The following CELSR1 variants were observed in gnomAD, a reference collection of about 807,000 sequenced individuals.
The protein encoded by CELSR1 is adhesion G protein-coupled receptor C1.
CELSR1 carries 110 observed loss-of-function variants against 249.1 expected under a neutral mutation model. The ratio of observed to expected loss-of-function variants is 0.44; its 90% CI spans 0.38 to 0.52. CELSR1 has a LOEUF of 0.52. Among genes scored for constraint, CELSR1 ranks in the 20% least tolerant of loss-of-function variants. The probability of loss-of-function intolerance (pLI) is 0.00; values close to 1 mark genes in which losing one functional copy is unlikely to be tolerated. For missense variants in CELSR1, 4,109 were observed against 4,296.4 expected (o/e 0.96, Z 1.22); for synonymous variants, 2,113 against 1,900.0 (o/e 1.11, Z -2.92).
At chr22:46,525,238 C>T (rs4823557) in intron 1 of CELSR1, among the ~76,000 whole-genome samples, 50,238 of 152,052 alleles carry the variant, frequency 0.33, 9,031 homozygotes, top group African/African-American at 0.46. Flanking sequence ...CACCTGAGGT[C>T]GGGAGTTCAA....
rs1180987404 is a variant in CELSR1, at chr22:46,427,067, G to GA, written c.4611+6325dup. The stretch of plus-strand genomic sequence containing the variant: ...CCAATAGGGAGTGATAGATAAATAG[G>GA]AAAAAAAGATCAATATGAAGTGTGT... On this transcript the variant is annotated intron_variant, in intron 5 of 34. Transcript: ENST00000674500. This position sits in a 1 kb window ranked among gnomAD's most constrained non-coding sequence, Gnocchi z 4.2. Among the ~76,000 whole-genome samples the GA allele has an allele frequency of 6.6e-6, 1 of 151,808 alleles. No individual in the cohort carries two copies. The highest frequency in any genetic ancestry group is 2.4e-5 in the African/African-American group (1 of 41,318).
intron 1 of CELSR1, among the ~76,000 whole-genome samples, chr22:46,524,541 CGT>C (rs71192413): frequency 1.0e-3 from 81 of 77,836 alleles, no homozygotes; most frequent in South Asian, 3.3e-3. Context: ...CCGTTGTGTG[CGT>C]GTGTGTGTGT....
chr22:46,482,528 G>A (rs1419558350), intron 1 of CELSR1, among the ~76,000 whole-genome samples: 1 of 152,134 alleles, frequency 6.6e-6, no homozygotes. Flanking sequence ...AAAGCACATA[G>A]AGGTTAAGTG....
rs201772740 is a variant in CELSR1 at position 46,361,976 on chromosome 22, T to C, written c.*1247A>G. Reference sequence around the variant, plus strand: ...TGGTAACCGTTGAAGAGTGTGGCTGTGGCTTTGTCCCTCTGCACAATTGGC... The same window carrying C: ...TGGTAACCGTTGAAGAGTGTGGCTGCGGCTTTGTCCCTCTGCACAATTGGC... On this transcript the variant is annotated 3_prime_UTR_variant, in exon 35 of 35. Transcript: ENST00000674500. 5 of 152,206 alleles carry C rather than the reference T, an allele frequency of 3.3e-5. No homozygotes were observed. Among genetic ancestry groups the C allele is most frequent in the African/African-American group, 1.2e-4 (5 of 41,460 alleles). 9.4% of individuals were successfully genotyped at this position (152,206 alleles called of 1,614,324 possible). A position where few individuals can be genotyped will look rare whatever the true frequency, so the allele number is the denominator to read the frequency against.
intron 5 of CELSR1, among the ~76,000 whole-genome samples, chr22:46,420,038 A>C (rs2079448331): frequency 6.6e-6 from 1 of 150,828 alleles, no homozygotes; most frequent in Non-Finnish European, 1.5e-5. Context: ...ACCGACACTC[A>C]CACTCAAATG....
chr22:46,440,594 C>T lies in CELSR1; in HGVS notation c.4184-1183G>A, dbSNP rs557078230. Among the ~76,000 whole-genome samples the T allele has an allele frequency of 1.3e-5, 2 of 152,302 alleles. No homozygotes were observed. Among genetic ancestry groups the T allele is most frequent in the South Asian group, 4.1e-4 (2 of 4,822 alleles). On this transcript the variant is annotated intron_variant, in intron 2 of 34. Coordinates refer to ENST00000674500, the MANE Select transcript of CELSR1 (RefSeq NM_001378328.1). This position sits in a 1 kb window ranked among gnomAD's most constrained non-coding sequence, Gnocchi z 4.7. ...ATCTTTGATGAGGCCAGCATCTTTTCCTGTTTTATTGACAATTGACACTCT... is the reference window on the plus strand; with the variant it reads ...ATCTTTGATGAGGCCAGCATCTTTTTCTGTTTTATTGACAATTGACACTCT...
chr22:46,536,865 G>A lies in CELSR1; in HGVS notation c.306C>T (p.Ser102=). Reference sequence around the variant, plus strand: ...GGTGCGTGCGCGCCCGCAGGCGGCGGCTCAGCGCCGTCGGGGCACTGCGGG... The same window carrying A: ...GGTGCGTGCGCGCCCGCAGGCGGCGACTCAGCGCCGTCGGGGCACTGCGGG... ...LVARSAPTAL[S]RRLRARTHLP... The change falls in exon 1 of 35, where the codon AGC becomes AGT. Residue 102 remains serine (S), a synonymous_variant. Transcript: ENST00000674500. 3 of 1,234,326 alleles carry A rather than the reference G, an allele frequency of 2.4e-6. No homozygotes were observed. The highest frequency in any genetic ancestry group is 4.8e-5 in the South Asian group (2 of 42,034). The allele number at this position is 1,234,326 out of a possible 1,614,324, so 76.5% of individuals were successfully genotyped here. A position where few individuals can be genotyped will look rare whatever the true frequency, so the allele number is the denominator to read the frequency against.
chr22:46,533,692 A>G lies in CELSR1; in HGVS notation c.3479T>C (p.Leu1160Pro), dbSNP rs1427621150. Reference protein sequence around the residue: ...LLLLDPATGELQLSRDLDNNR... With the variant: ...LLLLDPATGEPQLSRDLDNNR... ...GTTGTCCAGGTCGCGGCTGAGCTGC[A>G]GTTCGCCCGTGGCGGGGTCCAGCAG... The change falls in exon 1 of 35, where the codon CTG becomes CCG. Residue 1160 changes from leucine (L) to proline (P), a missense_variant. By Grantham distance (98) the Leu-to-Pro change is moderately conservative (BLOSUM62 -3). Transcript: ENST00000674500. 6 of 1,610,724 alleles carry G rather than the reference A, an allele frequency of 3.7e-6. No individual in the cohort carries two copies. The highest frequency in any genetic ancestry group is 5.1e-6 in the Non-Finnish European group (6 of 1,179,462).
In CELSR1 at chr22:46,436,126, G is replaced by C; in HGVS notation, c.4522+48C>G. On this transcript the variant is annotated intron_variant, in intron 4 of 34. Coordinates refer to ENST00000674500, the MANE Select transcript of CELSR1 (RefSeq NM_001378328.1). This position sits in a 1 kb window ranked among gnomAD's most constrained non-coding sequence, Gnocchi z 5.9. Reference sequence around the variant, plus strand: ...GGCGAGGGTCGTTTTAACCCACAAAGTATCTGTGAATTGCTCAGAGCTGCC... The same window carrying C: ...GGCGAGGGTCGTTTTAACCCACAAACTATCTGTGAATTGCTCAGAGCTGCC... 1 of 1,496,574 alleles carries C rather than the reference G, an allele frequency of 6.7e-7. No individual in the cohort carries two copies. Among genetic ancestry groups the C allele is most frequent in the Non-Finnish European group, 9.3e-7 (1 of 1,075,438 alleles). The allele number at this position is 1,496,574 out of a possible 1,614,324, so 92.7% of individuals were successfully genotyped here.
chr22:46,397,700 T>A lies in CELSR1; in HGVS notation c.5675A>T (p.Glu1892Val). Residue 1892 changes from glutamate (E) to valine (V), a missense_variant, in exon 12 of 35, where the codon GAG becomes GTG. Coordinates refer to ENST00000674500, the MANE Select transcript of CELSR1 (RefSeq NM_001378328.1). ...TTTGTCACAGACGCAGCTGTAGTCC[T>A]CCCAGGCGTCGTGGCAGCGGCTATT... Reference protein sequence around the residue: ...PPNSRCHDAWEDYSCVCDKGY... With the variant: ...PPNSRCHDAWVDYSCVCDKGY... 2 of 1,560,958 alleles carry A rather than the reference T, an allele frequency of 1.3e-6. No homozygotes were observed. Among genetic ancestry groups the A allele is most frequent in the Non-Finnish European group, 1.7e-6 (2 of 1,150,558 alleles).
Position 46,436,326 on chromosome 22 carries a change from AC to A in CELSR1, c.4407-38del. ...AGCAGAGGCACATCACAGGATGAAG[AC>A]CCCAGGGTCCAAAGGCTGCCTAGGA... On this transcript the variant is annotated intron_variant, in intron 3 of 34. Coordinates refer to ENST00000674500, the MANE Select transcript of CELSR1 (RefSeq NM_001378328.1). This position sits in a 1 kb window ranked among gnomAD's most constrained non-coding sequence, Gnocchi z 5.9. 6.5e-7 allele frequency: 1 copy of A among 1,545,318 alleles called. No individual in the cohort carries two copies.
At position 46,376,991 on chromosome 22, in the gene CELSR1, C is replaced by T. The variant is rs1202601976; in HGVS notation, c.7584+70G>A. Reference sequence around the variant, plus strand: ...AGCTAGCCAGGGTGCTTGGAGTGGCCAGGACAGGACTATGGTAGCTGCTCC... The same window carrying T: ...AGCTAGCCAGGGTGCTTGGAGTGGCTAGGACAGGACTATGGTAGCTGCTCC... On this transcript the variant is annotated intron_variant, in intron 24 of 34. Coordinates refer to ENST00000674500, the MANE Select transcript of CELSR1 (RefSeq NM_001378328.1). The T allele has an allele frequency of 7.8e-6, 12 of 1,529,768 alleles. No individual in the cohort carries two copies. In the East Asian group the frequency reaches 2.5e-4, roughly 32 times the overall value. 94.8% of individuals were successfully genotyped at this position (1,529,768 alleles called of 1,614,324 possible).
Position 46,363,781 on chromosome 22 carries a change from C to T in CELSR1, c.9035+215G>A, listed in dbSNP as rs922785989. On this transcript the variant is annotated intron_variant, in intron 34 of 34. Coordinates refer to ENST00000674500, the MANE Select transcript of CELSR1 (RefSeq NM_001378328.1). This position sits in a 1 kb window ranked among gnomAD's most constrained non-coding sequence, Gnocchi z 4.3. The stretch of plus-strand genomic sequence containing the variant: ...GCTTCAGAGTCCCAGAGGCCTGAGA[C>T]GTGTCCCCAGGATAGGGGGTCTGCC... 1.2e-4 allele frequency: 75 copies of T among 622,182 alleles called. No individual in the cohort carries two copies. In the East Asian group the frequency reaches 1.2e-3, roughly 10 times the overall value. The allele number at this position is 622,182 out of a possible 1,614,324, so 38.5% of individuals were successfully genotyped here.
rs1365207655 is a variant in CELSR1, at chr22:46,393,912, C to T, written c.5964+230G>A. ...GGGCGGGGGCTGGCAGGGCTGAACC[C>T]GTAGTTTACACGTGGAAAGCAGCCA... On this transcript the variant is annotated intron_variant, in intron 14 of 34. Transcript: ENST00000674500. The surrounding 1 kb of genome is among the most constrained non-coding windows in gnomAD (Gnocchi z 4.1). Among the ~76,000 whole-genome samples the T allele has an allele frequency of 6.6e-6, 1 of 152,128 alleles. No individual in the cohort carries two copies. Among genetic ancestry groups the T allele is most frequent in the Non-Finnish European group, 1.5e-5 (1 of 68,018 alleles).
rs918549856 is a variant in CELSR1 at position 46,518,650 on chromosome 22, G to A, written c.3544+14977C>T. ...GATGGGGCCAGGCACGGTGGCCCAC[G>A]CCTGTAATCCGAGTGTGGCTGCGGT... On this transcript the variant is annotated intron_variant, in intron 1 of 34. Coordinates refer to ENST00000674500, the MANE Select transcript of CELSR1 (RefSeq NM_001378328.1). The surrounding 1 kb of genome is among the most constrained non-coding windows in gnomAD (Gnocchi z 5.2). 7.9e-5 allele frequency among the ~76,000 whole-genome samples: 12 copies of A among 152,322 alleles called. No homozygotes were observed. The highest frequency in any genetic ancestry group is 1.9e-4 in the East Asian group (1 of 5,184).
chr22:46,381,067 A>C lies in CELSR1; in HGVS notation c.7089-112T>G. ...CATGATGTGTTTCTAGGGGAGACAG[A>C]ATCACACTCCGAGAGCTCGGACCCA... On this transcript the variant is annotated intron_variant, in intron 21 of 34. Coordinates refer to ENST00000674500, the MANE Select transcript of CELSR1 (RefSeq NM_001378328.1). This position sits in a 1 kb window ranked among gnomAD's most constrained non-coding sequence, Gnocchi z 6.0. 1 of 1,185,204 alleles carries C rather than the reference A, an allele frequency of 8.4e-7. No homozygotes were observed. The highest frequency in any genetic ancestry group is 1.2e-6 in the Non-Finnish European group (1 of 842,042). 73.4% of individuals were successfully genotyped at this position (1,185,204 alleles called of 1,614,324 possible). A position where few individuals can be genotyped will look rare whatever the true frequency, so the allele number is the denominator to read the frequency against.
chr22:46,447,840 G>A lies in CELSR1; in HGVS notation c.4184-8429C>T, dbSNP rs2079837681. Among the ~76,000 whole-genome samples the A allele has an allele frequency of 6.6e-6, 1 of 152,044 alleles. No individual in the cohort carries two copies. Among genetic ancestry groups the A allele is most frequent in the African/African-American group, 2.4e-5 (1 of 41,390 alleles). On this transcript the variant is annotated intron_variant, in intron 2 of 34. Coordinates refer to ENST00000674500, the MANE Select transcript of CELSR1 (RefSeq NM_001378328.1). The surrounding 1 kb of genome is among the most constrained non-coding windows in gnomAD (Gnocchi z 4.7). ...TCACCATGTTGGCCAGGCTGGTCTCGAACTCCTGACCTCAGGTGATCTGCT... is the reference window on the plus strand; with the variant it reads ...TCACCATGTTGGCCAGGCTGGTCTCAAACTCCTGACCTCAGGTGATCTGCT...
chr22:46,536,329 C>G lies in CELSR1; in HGVS notation c.842G>C (p.Ser281Thr). The G allele has an allele frequency of 6.2e-7, 1 of 1,612,778 alleles. No homozygotes were observed. The highest frequency in any genetic ancestry group is 8.5e-7 in the Non-Finnish European group (1 of 1,179,900). Residue 281 changes from serine to threonine, a missense_variant, in exon 1 of 35, where the codon AGC (serine) becomes ACC (threonine). By Grantham distance (58) the Ser-to-Thr change is moderately conservative. This residue lies in a region of CELSR1 where 673 missense variants were observed against 636.8 expected (regional missense o/e 1.06). Transcript: ENST00000674500. ...YTIEGEEERV[S>T]YYMEGLFDER... ...GTCGAACAGCCCCTCCATGTAATAG[C>G]TCACGCGCTCCTCCTCGCCCTCGAT... is the stretch of plus-strand genomic sequence containing the variant.
At position 46,364,228 on chromosome 22, in the gene CELSR1, A is replaced by T; in HGVS notation, c.8803T>A (p.Tyr2935Asn). The T allele has an allele frequency of 6.2e-7, 1 of 1,609,758 alleles. No individual in the cohort carries two copies. The highest frequency in any genetic ancestry group is 2.2e-5 in the East Asian group (1 of 44,872). ...RKGILKNKVT[Y>N]PPPLTLTEQT... Reference sequence around the variant, plus strand: ...TCCGTCAGCGTCAGCGGCGGCGGGTAGGTGACTTTATTTTTCAAGATGCCT... The same window carrying T: ...TCCGTCAGCGTCAGCGGCGGCGGGTTGGTGACTTTATTTTTCAAGATGCCT... The change falls in exon 34 of 35, where the codon TAC becomes AAC. Residue 2935 changes from tyrosine to asparagine, a missense_variant. Around this residue, in one of 7 missense-constraint regions of CELSR1, gnomAD observed 1,805 missense variants for 1,831.6 expected, o/e 0.99. Transcript: ENST00000674500.
Sources: allele counts gnomAD v4.1 joint callset (sites outside exome capture counted in the v4.1 genomes callset), GRCh38; gene constraint gnomAD v4.1.1; regional missense constraint gnomAD v4.1.1; non-coding constraint Gnocchi (gnomAD v3.1); transcripts MANE v1.5; gene names NCBI Gene and HGNC (gene_info 2026-07-23, HGNC 2026-07-21).